The following ANKRD6 variants were observed in gnomAD, a reference collection of about 807,000 sequenced individuals.
ANKRD6 encodes ankyrin repeat domain-containing protein 6.
Under a neutral mutation model 82.3 loss-of-function variants are expected in ANKRD6, and 56 were observed. That is an observed-to-expected ratio of 0.68 (90% CI 0.55 to 0.85). The LOEUF (loss-of-function observed/expected upper bound fraction) is 0.85, where lower values mean the gene tolerates loss of function less well. ANKRD6 is among the 40% of genes least tolerant of loss of function. ANKRD6 has a pLI of 0.00. For missense variants in ANKRD6, 852 were observed against 907.6 expected, an observed-to-expected ratio of 0.94 and a Z score of 0.79; for synonymous variants, 347 against 352.1, an observed-to-expected ratio of 0.99 and a Z score of 0.16.
chr6:89,511,279 G>A (rs1398786762), intron 1 of ANKRD6, among the ~76,000 whole-genome samples: 1 of 152,166 alleles, frequency 6.6e-6, no homozygotes, highest in African/African-American at 2.4e-5. Context: ...GCTATGGCTT[G>A]TAGCCATTTC....
intron 1 of ANKRD6, among the ~76,000 whole-genome samples, chr6:89,502,683 CCTTTTTGAGCTTTTGG>C (rs1779396631): frequency 6.6e-6 from 1 of 152,082 alleles, no homozygotes; most frequent in Non-Finnish European, 1.5e-5. Context: ...CTGACGGGAC[CCTTTTTGAGCTTTTGG>C]CTATTGTCAA....
chr6:89,599,991 G>C (rs1796741227), intron 3 of ANKRD6, among the ~76,000 whole-genome samples: 1 of 152,098 alleles, frequency 6.6e-6, no homozygotes, highest in Admixed American at 6.5e-5. Flanking sequence ...AAACAGGCAG[G>C]ACAGCCAAAA....
At chr6:89,490,131 T>A (rs1425430046) in intron 1 of ANKRD6, among the ~76,000 whole-genome samples, 1 of 152,254 alleles carries the variant, frequency 6.6e-6, no homozygotes, top group Non-Finnish European at 1.5e-5. Flanking sequence ...TCATTCAGAT[T>A]GGTCCAGATT....
chr6:89,449,048 A>AAAAGAAATAC (rs1772486048), intron 1 of ANKRD6, among the ~76,000 whole-genome samples: 1 of 151,994 alleles, frequency 6.6e-6, no homozygotes, highest in African/African-American at 2.4e-5. Flanking sequence ...AAAAAAAAAA[A>AAAAGAAATAC]AAAGAAATAC....
At chr6:89,532,473 G>T (rs1286943462) in intron 1 of ANKRD6, among the ~76,000 whole-genome samples, 4 of 152,044 alleles carry the variant, frequency 2.6e-5, no homozygotes, top group African/African-American at 9.7e-5. Flanking sequence ...CCCTGGCTAG[G>T]TTTATTCCCT....
chr6:89,522,929 G>C (rs1254472964), intron 1 of ANKRD6, among the ~76,000 whole-genome samples: 1 of 152,084 alleles, frequency 6.6e-6, no homozygotes, highest in Non-Finnish European at 1.5e-5. Context: ...ATCCTCCTGA[G>C]ACCCAGCCTC....
chr6:89,488,908 C>CTATTA (rs1777701881), intron 1 of ANKRD6, among the ~76,000 whole-genome samples: 1 of 151,488 alleles, frequency 6.6e-6, no homozygotes. Context: ...CTATTCTATT[C>CTATTA]TATTCTATTC....
intron 2 of ANKRD6, among the ~76,000 whole-genome samples, chr6:89,594,018 G>A (rs1440283537): frequency 1.3e-5 from 2 of 152,208 alleles, no homozygotes; most frequent in Non-Finnish European, 2.9e-5. Context: ...GCTGTGTTCT[G>A]CAACCTCCTG....
At chr6:89,547,099 T>G (rs1213879306) in intron 1 of ANKRD6, among the ~76,000 whole-genome samples, 1 of 152,216 alleles carries the variant, frequency 6.6e-6, no homozygotes, top group African/African-American at 2.4e-5. Context: ...GTGCTGGGAT[T>G]ACAGGTGCAT....
chr6:89,627,498 C>A, intron 13 of ANKRD6, 85 bp from the exon 14 acceptor site: 1 of 1,243,432 alleles, frequency 8.0e-7, no homozygotes, highest in Non-Finnish European at 1.2e-6. Context: ...CTACTTGGTT[C>A]CCCAAGCCCC....
chr6:89,518,871 TCA>T (rs1781552623), intron 1 of ANKRD6, among the ~76,000 whole-genome samples: 2 of 152,198 alleles, frequency 1.3e-5, no homozygotes, highest in Non-Finnish European at 2.9e-5. Context: ...ATGTGTTGTC[TCA>T]CACTCCCAGA....
chr6:89,573,975 T>G (rs981895650), intron 2 of ANKRD6, among the ~76,000 whole-genome samples: 1 of 152,186 alleles, frequency 6.6e-6, no homozygotes, highest in African/African-American at 2.4e-5. Context: ...TCTCTATGCA[T>G]TCTGTGTCCT....
In ANKRD6 at chr6:89,573,962, T is replaced by C. The variant is rs529424174; in HGVS notation, c.120+6866T>C. 3.6e-4 allele frequency among the ~76,000 whole-genome samples: 55 copies of C among 152,282 alleles called. No homozygotes were observed. In the South Asian group the frequency reaches 0.011, roughly 31 times the overall value. ...GCTCTCCTCCCAATTGATGTAACCTTGTTCTCTATGCATTCTGTGTCCTTC... is the reference window on the plus strand; with the variant it reads ...GCTCTCCTCCCAATTGATGTAACCTCGTTCTCTATGCATTCTGTGTCCTTC... On this transcript the variant is annotated intron_variant, in intron 2 of 15. Transcript: ENST00000339746.
chr6:89,477,138 G>A (rs547357353), intron 1 of ANKRD6, among the ~76,000 whole-genome samples: 1 of 151,984 alleles, frequency 6.6e-6, no homozygotes, highest in Admixed American at 6.5e-5. Context: ...TAGAGACGGG[G>A]TTTCACCGTA....
At chr6:89,609,767 A>G (rs1563050423) in intron 5 of ANKRD6, among the ~76,000 whole-genome samples, 1 of 151,924 alleles carries the variant, frequency 6.6e-6, no homozygotes, top group Non-Finnish European at 1.5e-5. Context: ...ACACACCACC[A>G]TGCCCAGCTA....
chr6:89,494,022 G>C (rs1778324114), intron 1 of ANKRD6, among the ~76,000 whole-genome samples: 1 of 152,154 alleles, frequency 6.6e-6, no homozygotes, highest in African/African-American at 2.4e-5. Context: ...AGTTGCACTA[G>C]GGTAGAGAGA....
At chr6:89,461,879 A>G (rs1285018479) in intron 1 of ANKRD6, among the ~76,000 whole-genome samples, 1 of 152,138 alleles carries the variant, frequency 6.6e-6, no homozygotes, top group Non-Finnish European at 1.5e-5. Flanking sequence ...AAATATAACT[A>G]TTATATTTAT....
At chr6:89,436,262 T>G (rs930618006) in intron 1 of ANKRD6, among the ~76,000 whole-genome samples, 1 of 152,236 alleles carries the variant, frequency 6.6e-6, no homozygotes. Context: ...CCACTCTCAT[T>G]TCCTGTTTCA....
chr6:89,538,458 T>C (rs1290055002), intron 1 of ANKRD6, among the ~76,000 whole-genome samples: 1 of 152,176 alleles, frequency 6.6e-6, no homozygotes, highest in Non-Finnish European at 1.5e-5. Flanking sequence ...TATTCTAAGG[T>C]GCTGCTACAA....
Sources: gnomAD v4.1 joint callset for allele counts (sites outside exome capture counted in the v4.1 genomes callset) on GRCh38, gnomAD v4.1.1 for gene constraint, MANE v1.5 for transcripts, NCBI Gene and HGNC (gene_info 2026-07-23, HGNC 2026-07-21) for gene names.